Variants in TBL1XR1 observed in about 807,000 individuals in gnomAD.
TBL1XR1 encodes F-box-like/WD repeat-containing protein TBL1XR1.
TBL1XR1 carries 5 observed loss-of-function variants against 66.9 expected under a neutral mutation model. The ratio of observed to expected loss-of-function variants is 0.07; its 90% CI spans 0.04 to 0.16. The LOEUF (loss-of-function observed/expected upper bound fraction) is 0.16. Ranked by LOEUF, TBL1XR1 falls within the 10% of genes least tolerant of loss-of-function variation. TBL1XR1 has a pLI of 1.00. For synonymous variants in TBL1XR1, 210 were observed against 206.0 expected (o/e 1.02, Z -0.17); for missense variants, 238 against 623.2 (o/e 0.38, Z 6.58).
chr3:177,092,280 G>C (rs1488396728), intron 2 of TBL1XR1, among the ~76,000 whole-genome samples: 1 of 151,662 alleles, frequency 6.6e-6, no homozygotes, highest in Non-Finnish European at 1.5e-5. Flanking sequence ...AAATAATAAA[G>C]GAAAAAACCT....
intron 1 of TBL1XR1, among the ~76,000 whole-genome samples, chr3:177,185,453 C>CA (rs1735289798): frequency 6.6e-6 from 1 of 151,764 alleles, no homozygotes; most frequent in African/African-American, 2.4e-5. Context: ...TACTTAAGTA[C>CA]AAAAAAATTA....
intron 1 of TBL1XR1, among the ~76,000 whole-genome samples, chr3:177,133,493 A>C (rs1162799253): frequency 6.6e-6 from 1 of 152,212 alleles, no homozygotes; most frequent in Admixed American, 6.5e-5. Context: ...CATGATTAAC[A>C]GTCATACATA....
At chr3:177,112,219 C>T (rs185208918) in intron 1 of TBL1XR1, among the ~76,000 whole-genome samples, 1 of 149,250 alleles carries the variant, frequency 6.7e-6, no homozygotes, top group East Asian at 2.0e-4. Flanking sequence ...GCAATTCTCC[C>T]ACCTCAGCTT....
chr3:177,188,557 A>T (rs972882801), intron 1 of TBL1XR1, among the ~76,000 whole-genome samples: 2 of 152,042 alleles, frequency 1.3e-5, no homozygotes, highest in Admixed American at 6.5e-5. Flanking sequence ...AAAAAAAGAA[A>T]TTACTCTATT....
chr3:177,150,371 A>G (rs984141566), intron 1 of TBL1XR1, among the ~76,000 whole-genome samples: 2 of 152,298 alleles, frequency 1.3e-5, no homozygotes, highest in African/African-American at 4.8e-5. Context: ...TCGGCAAAAT[A>G]AGCCAGACAA....
intron 1 of TBL1XR1, among the ~76,000 whole-genome samples, chr3:177,168,409 G>A (rs1733085221): frequency 6.6e-6 from 1 of 151,904 alleles, no homozygotes; most frequent in Admixed American, 6.6e-5. Flanking sequence ...AGCCTTCTGA[G>A]TAGCTGGGAT....
At chr3:177,197,563 C>CGCGGCGGCGGCGGCGGCG (rs550182398), upstream of TBL1XR1, among the ~76,000 whole-genome samples, 1 of 144,320 alleles carries the variant, frequency 6.9e-6, no homozygotes, top group Admixed American at 6.9e-5. Flanking sequence ...TCGCGAGGCC[C>CGCGGCGGCGGCGGCGGCG]GCGGCGGCGG....
intron 2 of TBL1XR1, among the ~76,000 whole-genome samples, chr3:177,072,323 T>C (rs1052465397): frequency 6.6e-6 from 1 of 152,188 alleles, no homozygotes; most frequent in African/African-American, 2.4e-5. Context: ...ATGGTATTAC[T>C]AAGATATTAC....
intron 1 of TBL1XR1, among the ~76,000 whole-genome samples, chr3:177,168,951 A>T (rs1733142225): frequency 6.6e-6 from 1 of 152,146 alleles, no homozygotes; most frequent in Non-Finnish European, 1.5e-5. Flanking sequence ...TTACCAATCC[A>T]ACTACCCTCT....
chr3:177,082,312 AACATCAAGTAATTTCAT>A lies in TBL1XR1; in HGVS notation c.-46+16137_-46+16153del, dbSNP rs1721494536. ...TGCTAGAAAAATATCAAACCCTTATAACATCAAGTAATTTCATGTTATGTTCTAAAATGAATTTAAAA... is the reference window on the plus strand; with the variant it reads ...TGCTAGAAAAATATCAAACCCTTATAGTTATGTTCTAAAATGAATTTAAAA... On this transcript the variant is annotated intron_variant, in intron 2 of 15. Transcript: ENST00000457928. Among the ~76,000 whole-genome samples, 3 of 152,272 alleles carry A rather than the reference AACATCAAGTAATTTCAT, an allele frequency of 2.0e-5. No individual in the cohort carries two copies. In the East Asian group the frequency reaches 5.8e-4, roughly 29 times the overall value.
intron 1 of TBL1XR1, among the ~76,000 whole-genome samples, chr3:177,152,115 T>C (rs572080934): frequency 6.6e-6 from 1 of 152,346 alleles, no homozygotes; most frequent in East Asian, 1.9e-4. Context: ...AAATTAACTA[T>C]GATTATAGCA....
At chr3:177,133,178 T>G (rs1323784698) in intron 1 of TBL1XR1, among the ~76,000 whole-genome samples, 1 of 151,950 alleles carries the variant, frequency 6.6e-6, no homozygotes, top group Non-Finnish European at 1.5e-5. Context: ...TCCCAGCTAC[T>G]CAGGAGGCTG....
In TBL1XR1 at chr3:177,047,351, T is replaced by C. The variant is rs369700699; in HGVS notation, c.813A>G (p.Ala271=). 1.9e-6 allele frequency: 3 copies of C among 1,572,088 alleles called. No individual in the cohort carries two copies. The highest frequency in any genetic ancestry group is 1.8e-5 in the Admixed American group (1 of 54,322). ...AATTTCCTTTCTTATTCCATTTTAA[T>C]GCAAATATAGGGCCTTTATGCTGCC... The part of the protein sequence containing the change: ...TLGQHKGPIF[A]LKWNKKGNFI... Residue 271 remains alanine, a synonymous_variant, in exon 9 of 16, where the codon GCA becomes GCG. Coordinates refer to ENST00000457928, the MANE Select transcript of TBL1XR1 (RefSeq NM_024665.7).
At chr3:177,057,438 T>C (rs1273936872) in intron 3 of TBL1XR1, among the ~76,000 whole-genome samples, 4 of 152,166 alleles carry the variant, frequency 2.6e-5, no homozygotes, top group Admixed American at 6.5e-5. Flanking sequence ...AACTAGCACA[T>C]TACCTGAGTC....
At chr3:177,174,299 C>T (rs546353876) in intron 1 of TBL1XR1, among the ~76,000 whole-genome samples, 3 of 144,790 alleles carry the variant, frequency 2.1e-5, no homozygotes, top group African/African-American at 7.7e-5. Context: ...GTCCCAGCTA[C>T]TGGGGAGGCT....
At chr3:177,054,022 C>G in intron 3 of TBL1XR1, 104 bp from the exon 4 acceptor site, 1 of 1,263,002 alleles carries the variant, frequency 7.9e-7, no homozygotes, top group Non-Finnish European at 1.1e-6. Flanking sequence ...CCATCCTACC[C>G]ATTTAAAATC....
rs1048767896 is a variant in TBL1XR1, at chr3:177,100,461, T to TC, written c.-121-1921dup. On this transcript the variant is annotated intron_variant, in intron 1 of 15. Transcript: ENST00000457928. ...TTTTTTGAGACGGAGTCTCACTCTG[T>TC]CACCCAGGCTGAAGTGCCATGGCAC... Among the ~76,000 whole-genome samples the TC allele has an allele frequency of 1.8e-4, 28 of 151,966 alleles. No homozygotes were observed. In the South Asian group the frequency reaches 4.8e-3, roughly 26 times the overall value.
At chr3:177,157,982 G>C (rs766797067) in intron 1 of TBL1XR1, among the ~76,000 whole-genome samples, 2 of 151,968 alleles carry the variant, frequency 1.3e-5, no homozygotes, top group Non-Finnish European at 2.9e-5. Context: ...TCCTCGTTAA[G>C]TGTTTTATTT....
chr3:177,054,447 G>A (rs955447213), intron 3 of TBL1XR1, among the ~76,000 whole-genome samples: 3 of 152,096 alleles, frequency 2.0e-5, no homozygotes, highest in Admixed American at 1.3e-4. Flanking sequence ...CTTTAAATAG[G>A]AATTCATTCA....
Sources: allele counts gnomAD v4.1 joint callset (sites outside exome capture counted in the v4.1 genomes callset), GRCh38; gene constraint gnomAD v4.1.1; transcripts MANE v1.5; gene names NCBI Gene and HGNC (gene_info 2026-07-23, HGNC 2026-07-21).